RAB8A: variants seen among roughly 807,000 people sequenced by gnomAD.
RAB8A encodes ras-related protein Rab-8A.
In RAB8A, 5 loss-of-function variants were observed where a neutral mutation model predicts 29.2. The ratio of observed to expected loss-of-function variants is 0.17; its 90% CI spans 0.09 to 0.36. The LOEUF (loss-of-function observed/expected upper bound fraction) is 0.36. Among genes scored for constraint, RAB8A ranks in the 10% least tolerant of loss-of-function variants. The pLI is 1.00. For missense variants in RAB8A, 171 were observed against 272.2 expected (o/e 0.63, Z 2.62); for synonymous variants, 108 against 99.9 (o/e 1.08, Z -0.49).
At chr19:16,116,607 T>C (rs1385268995) in intron 1 of RAB8A, among the ~76,000 whole-genome samples, 2 of 151,872 alleles carry the variant, frequency 1.3e-5, no homozygotes, top group Non-Finnish European at 2.9e-5. Flanking sequence ...GAGGCTGAGG[T>C]GGGCAGATCA....
At chr19:16,116,230 T>C (rs572435383) in intron 1 of RAB8A, among the ~76,000 whole-genome samples, 1 of 152,170 alleles carries the variant, frequency 6.6e-6, no homozygotes, top group East Asian at 1.9e-4. Flanking sequence ...ATGCTTGGAA[T>C]GTTGAGGAAA....
intron 2 of RAB8A, among the ~76,000 whole-genome samples, chr19:16,118,785 A>G (rs775477995): frequency 1.8e-4 from 27 of 152,300 alleles, no homozygotes; most frequent in Admixed American, 1.2e-3. Flanking sequence ...CCAAACCGAA[A>G]TTAAGCGGAG....
intron 3 of RAB8A, chr19:16,124,471 A>G (rs2090888929): frequency 6.6e-6 from 1 of 152,228 alleles, no homozygotes; most frequent in Non-Finnish European, 1.5e-5. Flanking sequence ...GCAGGTAGCG[A>G]GGAGGAAGGA....
At chr19:16,130,382 G>C (rs746005356) in intron 7 of RAB8A, among the ~76,000 whole-genome samples, 11 of 152,118 alleles carry the variant, frequency 7.2e-5, no homozygotes, top group Non-Finnish European at 1.5e-4. Flanking sequence ...GTTAAGTCTG[G>C]TCACTTGAGA....
At position 16,125,511 on chromosome 19, in the gene RAB8A, C is replaced by T. The variant is rs1485302502; in HGVS notation, c.288C>T (p.Phe96=). ...LVYDITNEKS[F]DNIRNWIRNI... is the part of the protein sequence containing the mutation. ...ACGACATCACCAACGAGAAGTCCTT[C>T]GACAACATCCGGAACTGGATTCGCA... The change falls in exon 4 of 8, where the codon TTC becomes TTT. Residue 96 remains phenylalanine (F), a synonymous_variant. Transcript: ENST00000300935. This position sits in a 1 kb window ranked among gnomAD's most constrained non-coding sequence, Gnocchi z 5.0. 5.0e-6 allele frequency: 8 copies of T among 1,614,036 alleles called. No individual in the cohort carries two copies. Among genetic ancestry groups the T allele is most frequent in the East Asian group, 2.2e-5 (1 of 44,904 alleles).
chr19:16,130,016 C>T (rs1009667240), intron 7 of RAB8A, among the ~76,000 whole-genome samples: 2 of 152,180 alleles, frequency 1.3e-5, no homozygotes, highest in Non-Finnish European at 2.9e-5. Flanking sequence ...GATCAAGAAC[C>T]TGCCCCCGCT....
chr19:16,119,142 C>T (rs1405032293), intron 2 of RAB8A, among the ~76,000 whole-genome samples: 1 of 152,348 alleles, frequency 6.6e-6, no homozygotes, highest in East Asian at 1.9e-4. Context: ...CGGTCACCCC[C>T]ACTTGCCAGT....
Position 16,132,129 on chromosome 19 carries a change from G to A in RAB8A, c.532-83G>A. 2.8e-6 allele frequency: 3 copies of A among 1,077,064 alleles called. No individual in the cohort carries two copies. Among genetic ancestry groups the A allele is most frequent in the Non-Finnish European group, 4.3e-6 (3 of 703,616 alleles). The allele number at this position is 1,077,064 out of a possible 1,614,324, so 66.7% of individuals were successfully genotyped here. On this transcript the variant is annotated intron_variant, in intron 7 of 7. Transcript: ENST00000300935. This position sits in a 1 kb window ranked among gnomAD's most constrained non-coding sequence, Gnocchi z 5.6. ...GGATGGTTGGATGGATGGTTAGGTG[G>A]ATGGTTAGGTGGATGGCTGGTTGAT...
Position 16,132,068 on chromosome 19 carries a change from G to C in RAB8A, c.532-144G>C. 1 of 675,784 alleles carries C rather than the reference G, an allele frequency of 1.5e-6. No homozygotes were observed. The allele number at this position is 675,784 out of a possible 1,614,324, so 41.9% of individuals were successfully genotyped here. On this transcript the variant is annotated intron_variant, in intron 7 of 7. Transcript: ENST00000300935. This position sits in a 1 kb window ranked among gnomAD's most constrained non-coding sequence, Gnocchi z 5.6. ...TTGGTTGGTTTGGCTGGTTTGATTGGTTTGGTTGTTTGGTTGGTTGGTTGG... is the reference window on the plus strand; with the variant it reads ...TTGGTTGGTTTGGCTGGTTTGATTGCTTTGGTTGTTTGGTTGGTTGGTTGG...
chr19:16,116,940 C>T (rs544033793), intron 1 of RAB8A, among the ~76,000 whole-genome samples: 4 of 151,920 alleles, frequency 2.6e-5, no homozygotes, highest in Admixed American at 6.6e-5. Context: ...CCCCATGTGC[C>T]CCCCCAGCCC....
intron 1 of RAB8A, among the ~76,000 whole-genome samples, chr19:16,114,925 C>T (rs1318369918): frequency 6.6e-6 from 1 of 151,224 alleles, no homozygotes; most frequent in East Asian, 1.9e-4. Context: ...ATAAAGTTTA[C>T]ACTTCCTAAT....
chr19:16,121,834 T>C, intron 3 of RAB8A, 24 bp downstream of exon 3: 1 of 1,594,600 alleles, frequency 6.3e-7, no homozygotes, highest in Non-Finnish European at 8.6e-7. Flanking sequence ...GTTTGGTTGT[T>C]TTTATCTGCT....
In RAB8A at chr19:16,127,194, C is replaced by T. The variant is rs1238391773; in HGVS notation, c.325-243C>T. ...TACAGCCATAGAAGCTGCCAGAAAG[C>T]ATTTCAGAAAATGTGCATTTGCTCA... On this transcript the variant is annotated intron_variant, in intron 4 of 7. Coordinates refer to ENST00000300935, the MANE Select transcript of RAB8A (RefSeq NM_005370.5). This position sits in a 1 kb window ranked among gnomAD's most constrained non-coding sequence, Gnocchi z 4.8. Among the ~76,000 whole-genome samples the T allele has an allele frequency of 1.3e-5, 2 of 152,218 alleles. No individual in the cohort carries two copies. The highest frequency in any genetic ancestry group is 4.8e-5 in the African/African-American group (2 of 41,470).
rs1009838877 is a variant in RAB8A, at chr19:16,122,401, G to A, written c.246+591G>A. Among the ~76,000 whole-genome samples the A allele has an allele frequency of 6.6e-6, 1 of 152,204 alleles. No individual in the cohort carries two copies. Among genetic ancestry groups the A allele is most frequent in the African/African-American group, 2.4e-5 (1 of 41,460 alleles). On this transcript the variant is annotated intron_variant, in intron 3 of 7. Coordinates refer to ENST00000300935, the MANE Select transcript of RAB8A (RefSeq NM_005370.5). The surrounding 1 kb of genome is among the most constrained non-coding windows in gnomAD (Gnocchi z 4.7). ...TGTGTGTACATGGCAGGGCATTCAG[G>A]GGTAGAGGGAGCAGGAGGTGGAGCC...
At chr19:16,124,927 C>T (rs56103440) in intron 3 of RAB8A, 32,807 of 184,298 alleles carry the variant, frequency 0.18, 3,113 homozygotes, top group African/African-American at 0.21. Context: ...TTGGCACTCT[C>T]GGCTCCATCT....
chr19:16,127,439 C>T lies in RAB8A; in HGVS notation c.327C>T (p.His109=), dbSNP rs376528294. ...CCGTCTGTCCCCCTCCCTCTCAGCA[C>T]GCCTCTGCAGACGTCGAAAAGATGA... ...IRNWIRNIEE[H]ASADVEKMIL... is the part of the protein sequence containing the mutation. The change falls in exon 5 of 8, where the codon CAC becomes CAT. Residue 109 remains histidine (H), a splice_region_variant and synonymous_variant. Transcript: ENST00000300935. This position sits in a 1 kb window ranked among gnomAD's most constrained non-coding sequence, Gnocchi z 4.8. 24 of 1,494,108 alleles carry T rather than the reference C, an allele frequency of 1.6e-5. No individual in the cohort carries two copies. The highest frequency in any genetic ancestry group is 2.0e-5 in the Non-Finnish European group (23 of 1,123,428). The allele number at this position is 1,494,108 out of a possible 1,614,324, so 92.6% of individuals were successfully genotyped here. A position where few individuals can be genotyped will look rare whatever the true frequency, so the allele number is the denominator to read the frequency against.
Position 16,132,186 on chromosome 19 carries a change from C to A in RAB8A, c.532-26C>A. 1 of 1,555,960 alleles carries A rather than the reference C, an allele frequency of 6.4e-7. No individual in the cohort carries two copies. The highest frequency in any genetic ancestry group is 8.9e-7 in the Non-Finnish European group (1 of 1,127,044). ...ACGTAGTGCTGATTCTCAGTGATAA[C>A]CTCAGAAAACCTCTTGTGATTTCAG... is the stretch of plus-strand genomic sequence containing the variant. On this transcript the variant is annotated intron_variant, in intron 7 of 7. Transcript: ENST00000300935. The surrounding 1 kb of genome is among the most constrained non-coding windows in gnomAD (Gnocchi z 5.6).
chr19:16,127,777 G>C lies in RAB8A; in HGVS notation c.415-249G>C, dbSNP rs991492989. 3.6e-5 allele frequency: 22 copies of C among 616,720 alleles called. No homozygotes were observed. The highest frequency in any genetic ancestry group is 8.6e-4 in the Middle Eastern group (2 of 2,324). 38.2% of individuals were successfully genotyped at this position (616,720 alleles called of 1,614,324 possible). A position where few individuals can be genotyped will look rare whatever the true frequency, so the allele number is the denominator to read the frequency against. On this transcript the variant is annotated intron_variant, in intron 5 of 7. Transcript: ENST00000300935. The surrounding 1 kb of genome is among the most constrained non-coding windows in gnomAD (Gnocchi z 4.8). The stretch of plus-strand genomic sequence containing the variant: ...CACAGGAGCGGGGAACAGAGCCATA[G>C]TTTGATCCCAGCAGGTCCCCGCCAC...
intron 3 of RAB8A, 115 bp downstream of exon 3, chr19:16,121,925 C>T (rs2144989639): frequency 2.0e-6 from 2 of 1,017,076 alleles, no homozygotes; most frequent in East Asian, 2.4e-5. Flanking sequence ...CCCAACTCCT[C>T]AGGGCTCCTT....
Sources: gnomAD v4.1 joint callset for allele counts (sites outside exome capture counted in the v4.1 genomes callset) on GRCh38, gnomAD v4.1.1 for gene constraint, Gnocchi (gnomAD v3.1) non-coding constraint, MANE v1.5 for transcripts, NCBI Gene and HGNC (gene_info 2026-07-23, HGNC 2026-07-21) for gene names.